The following IQGAP2 variants were observed in gnomAD, a reference collection of about 807,000 sequenced individuals.
IQGAP2 encodes IQ motif containing GTPase activating protein 2.
IQGAP2 carries 173 observed loss-of-function variants against 201.3 expected under a neutral mutation model. The ratio of observed to expected loss-of-function variants is 0.86; its 90% CI spans 0.76 to 0.98. IQGAP2 has a LOEUF of 0.98. Among genes scored for constraint, IQGAP2 ranks in the 50% least tolerant of loss-of-function variants. The pLI is 0.00. For synonymous variants in IQGAP2, 675 were observed against 673.9 expected (o/e 1.00, Z -0.03); for missense variants, 1,687 against 1,864.8 (o/e 0.90, Z 1.76).
chr5:76,526,909 G>C (rs1019357140), intron 2 of IQGAP2, among the ~76,000 whole-genome samples: 1 of 152,214 alleles, frequency 6.6e-6, no homozygotes. Context: ...AGGCCATAAG[G>C]ATGTGTTCTT....
intron 1 of IQGAP2, among the ~76,000 whole-genome samples, chr5:76,434,633 G>A (rs944405487): frequency 2.0e-5 from 3 of 152,060 alleles, no homozygotes; most frequent in Non-Finnish European, 4.4e-5. Flanking sequence ...CTTTGCAATT[G>A]TGAATTGTGA....
chr5:76,624,880 C>T (rs912347340), intron 13 of IQGAP2, among the ~76,000 whole-genome samples: 1 of 152,068 alleles, frequency 6.6e-6, no homozygotes, highest in South Asian at 2.1e-4. Context: ...TTGAGACCAG[C>T]CTGACCAACA....
At chr5:76,477,441 C>G (rs1030435709) in intron 2 of IQGAP2, among the ~76,000 whole-genome samples, 1 of 152,118 alleles carries the variant, frequency 6.6e-6, no homozygotes, top group Non-Finnish European at 1.5e-5. Context: ...TAACAATATC[C>G]CATAAGATTA....
At chr5:76,638,375 G>T (rs969765122) in intron 16 of IQGAP2, among the ~76,000 whole-genome samples, 15 of 152,066 alleles carry the variant, frequency 9.9e-5, no homozygotes, top group Non-Finnish European at 2.1e-4. Context: ...GCTACACTCT[G>T]TCCCGGGGAG....
intron 2 of IQGAP2, among the ~76,000 whole-genome samples, chr5:76,524,361 T>C (rs544826948): frequency 2.0e-5 from 3 of 152,304 alleles, no homozygotes; most frequent in Admixed American, 6.5e-5. Context: ...TAAAGCCATT[T>C]AAGAGTTTTT....
chr5:76,671,604 C>T (rs930929775), intron 23 of IQGAP2, among the ~76,000 whole-genome samples, 155 bp from the exon 24 acceptor site: 4 of 150,762 alleles, frequency 2.7e-5, no homozygotes, highest in Middle Eastern at 3.2e-3. Context: ...AGGAGAATCG[C>T]TTGAACCTGG....
At chr5:76,643,196 T>TGTCTTAA (rs1751732685) in intron 17 of IQGAP2, among the ~76,000 whole-genome samples, 1 of 152,134 alleles carries the variant, frequency 6.6e-6, no homozygotes, top group Non-Finnish European at 1.5e-5. Flanking sequence ...ATGGACTTAA[T>TGTCTTAA]GAAATAAGAA....
chr5:76,611,493 T>A, intron 13 of IQGAP2, among the ~76,000 whole-genome samples: 1 of 152,218 alleles, frequency 6.6e-6, no homozygotes, highest in Admixed American at 6.5e-5. Flanking sequence ...GTCCATAGCT[T>A]CTGGTAGAGA....
At chr5:76,675,979 G>T (rs1404875758) in intron 27 of IQGAP2, among the ~76,000 whole-genome samples, 2 of 151,836 alleles carry the variant, frequency 1.3e-5, no homozygotes, top group African/African-American at 4.8e-5. Context: ...TACTCAGGAG[G>T]CTGAGATGGG....
intron 18 of IQGAP2, among the ~76,000 whole-genome samples, chr5:76,653,946 T>A (rs1255909476): frequency 1.3e-5 from 2 of 152,216 alleles, no homozygotes; most frequent in African/African-American, 2.4e-5. Flanking sequence ...TTAAATTATT[T>A]TCCCCACTTC....
intron 20 of IQGAP2, among the ~76,000 whole-genome samples, chr5:76,657,474 G>A (rs76525389): frequency 0.026 from 3,930 of 152,314 alleles, 59 homozygotes; most frequent in Non-Finnish European, 0.04. Context: ...TTGTTTTGGT[G>A]TTAGTTTTCT....
Position 76,654,251 on chromosome 5 carries a change from C to T in IQGAP2, c.2230C>T (p.Leu744=), listed in dbSNP as rs1561554627. The T allele has an allele frequency of 1.9e-6, 3 of 1,608,952 alleles. No homozygotes were observed. The Admixed American group carries it at 5.0e-5, about 27-fold the overall frequency. Residue 744 remains leucine (L), a synonymous_variant, in exon 19 of 36, where the codon CTA becomes TTA. Transcript: ENST00000274364. ...ATARKSYLSR[L]QYFRDHNNEI... is the part of the protein sequence containing the mutation. ...TGCAAGAAAGAGCTATCTTTCAAGA[C>T]TACAGTATTTCAGAGATCATGTAAG...
chr5:76,489,933 C>G (rs1467959573), intron 2 of IQGAP2, among the ~76,000 whole-genome samples: 1 of 152,210 alleles, frequency 6.6e-6, no homozygotes, highest in Non-Finnish European at 1.5e-5. Flanking sequence ...CGGACTTCAC[C>G]ACTCACATTC....
intron 13 of IQGAP2, among the ~76,000 whole-genome samples, chr5:76,625,130 T>C (rs1199861567): frequency 6.6e-6 from 1 of 152,226 alleles, no homozygotes; most frequent in African/African-American, 2.4e-5. Context: ...CATTTAACTC[T>C]AGTAATCGTT....
At chr5:76,638,816 A>T (rs367647978) in intron 16 of IQGAP2, among the ~76,000 whole-genome samples, 1 of 152,340 alleles carries the variant, frequency 6.6e-6, no homozygotes, top group South Asian at 2.1e-4. Flanking sequence ...GAAACAAAAG[A>T]CTTAGCTATA....
In IQGAP2 at chr5:76,673,711, G is replaced by T. The variant is rs1369948411; in HGVS notation, c.3209+122G>T. The stretch of plus-strand genomic sequence containing the variant: ...TTATATTGTGTTTACTATTTTAAAA[G>T]ATTGCCTACATTTACCTTTTAAATT... On this transcript the variant is annotated intron_variant, in intron 25 of 35. Coordinates refer to ENST00000274364, the MANE Select transcript of IQGAP2 (RefSeq NM_006633.5). 1.1e-5 allele frequency: 12 copies of T among 1,078,190 alleles called. No homozygotes were observed. In the South Asian group the frequency reaches 1.2e-4, roughly 11 times the overall value. 66.8% of individuals were successfully genotyped at this position (1,078,190 alleles called of 1,614,324 possible). A position where few individuals can be genotyped will look rare whatever the true frequency, so the allele number is the denominator to read the frequency against.
intron 2 of IQGAP2, among the ~76,000 whole-genome samples, chr5:76,560,386 G>A (rs1173651183): frequency 6.6e-6 from 1 of 150,856 alleles, no homozygotes; most frequent in African/African-American, 2.4e-5. Context: ...CAAACTCCTG[G>A]TCTCAAGCAA....
At chr5:76,447,804 G>A (rs1007733036) in intron 1 of IQGAP2, among the ~76,000 whole-genome samples, 1 of 152,170 alleles carries the variant, frequency 6.6e-6, no homozygotes, top group Non-Finnish European at 1.5e-5. Context: ...TTGGGGGTGG[G>A]AACCCCTTCT....
chr5:76,649,793 G>A lies in IQGAP2; in HGVS notation c.2095-2957G>A, dbSNP rs1207721762. Among the ~76,000 whole-genome samples the A allele has an allele frequency of 2.6e-5, 4 of 152,206 alleles. No individual in the cohort carries two copies. The East Asian group carries it at 7.7e-4, about 29-fold the overall frequency. ...ACTTCTCCTCCATACTGCCCTAGCA[G>A]AGATTCTTCATGACAGTTCTGCTCC... is the stretch of plus-strand genomic sequence containing the variant. On this transcript the variant is annotated intron_variant, in intron 17 of 35. Coordinates refer to ENST00000274364, the MANE Select transcript of IQGAP2 (RefSeq NM_006633.5).
Sources: allele counts gnomAD v4.1 joint callset (sites outside exome capture counted in the v4.1 genomes callset), GRCh38; gene constraint gnomAD v4.1.1; transcripts MANE v1.5; gene names NCBI Gene and HGNC (gene_info 2026-07-23, HGNC 2026-07-21).